TIAM1: variants seen among roughly 807,000 people sequenced by gnomAD.
The protein encoded by TIAM1 is TIAM Rac1 associated GEF 1, also known as rho guanine nucleotide exchange factor TIAM1.
In TIAM1, 65 loss-of-function variants were observed where a neutral mutation model predicts 163.5. That is an observed-to-expected ratio of 0.40 (90% confidence interval 0.33 to 0.49). TIAM1 has a LOEUF of 0.49. Among genes scored for constraint, TIAM1 ranks in the 20% least tolerant of loss-of-function variants. The probability of loss-of-function intolerance (pLI) is 0.77; values close to 1 mark genes in which losing one functional copy is unlikely to be tolerated. For missense variants in TIAM1, 1,789 were observed against 2,044.7 expected (o/e 0.87, Z 2.41); for synonymous variants, 833 against 810.1 (o/e 1.03, Z -0.48).
In TIAM1 at chr21:31,251,746, C is replaced by A. The variant is rs774427389; in HGVS notation, c.1407G>T (p.Leu469=). The change falls in exon 5 of 28, where the codon CTG becomes CTT. Residue 469 remains leucine, a synonymous_variant. Coordinates refer to ENST00000541036, the MANE Select transcript of TIAM1 (RefSeq NM_001353694.2). Reference sequence around the variant, plus strand: ...CCGGGGCCCTCCCGCTCTCACCTTTCAGGGACACCCAGTAGTGCTTCCACT... The same window carrying A: ...CCGGGGCCCTCCCGCTCTCACCTTTAAGGGACACCCAGTAGTGCTTCCACT... ...RRKWKHYWVS[L]KGCTLFFYES... The A allele has an allele frequency of 5.0e-6, 8 of 1,584,220 alleles. No homozygotes were observed. Among genetic ancestry groups the A allele is most frequent in the Non-Finnish European group, 6.9e-6 (8 of 1,161,270 alleles).
At chr21:31,315,552 G>C (rs543950273) in intron 2 of TIAM1, among the ~76,000 whole-genome samples, 1 of 151,572 alleles carries the variant, frequency 6.6e-6, no homozygotes, top group East Asian at 1.9e-4. Flanking sequence ...GCGCATACCT[G>C]TAATCCCAAC....
intron 1 of TIAM1, among the ~76,000 whole-genome samples, chr21:31,486,622 C>T (rs763429289): frequency 6.6e-6 from 1 of 152,228 alleles, no homozygotes; most frequent in Non-Finnish European, 1.5e-5. Flanking sequence ...ACCCATGTCA[C>T]GGGCTTGGCA....
At chr21:31,223,660 T>G in intron 7 of TIAM1, 69 bp from the exon 8 acceptor site, 2 of 1,436,146 alleles carry the variant, frequency 1.4e-6, no homozygotes, top group Non-Finnish European at 9.4e-7. Context: ...ATCTTTATCC[T>G]ATACAGATCT....
At chr21:31,224,527 A>G (rs1418145587) in intron 7 of TIAM1, among the ~76,000 whole-genome samples, 2 of 152,256 alleles carry the variant, frequency 1.3e-5, no homozygotes, top group Non-Finnish European at 2.9e-5. Context: ...AATATCTAGA[A>G]TAGGCAAATC....
At chr21:31,273,774 C>T (rs955797071) in intron 3 of TIAM1, among the ~76,000 whole-genome samples, 11 of 152,158 alleles carry the variant, frequency 7.2e-5, no homozygotes, top group Non-Finnish European at 1.2e-4. Flanking sequence ...CCCAAGGTTG[C>T]CCAGATGTTG....
intron 16 of TIAM1, among the ~76,000 whole-genome samples, chr21:31,156,713 C>T (rs1366290703): frequency 6.6e-6 from 1 of 152,122 alleles, no homozygotes; most frequent in Non-Finnish European, 1.5e-5. Flanking sequence ...ATAACACAGT[C>T]ATAATGAGAA....
chr21:31,228,919 G>T (rs899330340), intron 6 of TIAM1, among the ~76,000 whole-genome samples: 2 of 152,212 alleles, frequency 1.3e-5, no homozygotes, highest in South Asian at 4.1e-4. Context: ...AAGCAGGGGG[G>T]AAAGCCCCTT....
At chr21:31,221,049 AG>A (rs2087527939) in intron 8 of TIAM1, among the ~76,000 whole-genome samples, 1 of 152,184 alleles carries the variant, frequency 6.6e-6, no homozygotes, top group Admixed American at 6.5e-5. Flanking sequence ...ACTAAAAAGA[AG>A]AAAAAAAATT....
intron 4 of TIAM1, among the ~76,000 whole-genome samples, chr21:31,262,591 T>C (rs1601746804): frequency 6.6e-6 from 1 of 152,232 alleles, no homozygotes; most frequent in Non-Finnish European, 1.5e-5. Flanking sequence ...GTAGCACATA[T>C]GTGCCACCAT....
At chr21:31,281,763 G>C (rs1430239752) in intron 2 of TIAM1, among the ~76,000 whole-genome samples, 1 of 152,072 alleles carries the variant, frequency 6.6e-6, no homozygotes, top group Non-Finnish European at 1.5e-5. Flanking sequence ...TAGATGGATG[G>C]ATGGGTGGTG....
At chr21:31,344,273 C>T (rs2076102670), upstream of TIAM1, 1 of 152,304 alleles carries the variant, frequency 6.6e-6, no homozygotes, top group African/African-American at 2.4e-5. Context: ...AAGTTTCGTG[C>T]TATGATGAAT....
At chr21:31,519,898 G>T (rs2047521258) in intron 1 of TIAM1, among the ~76,000 whole-genome samples, 1 of 151,948 alleles carries the variant, frequency 6.6e-6, no homozygotes, top group Non-Finnish European at 1.5e-5. Flanking sequence ...TGGAGGGAGG[G>T]TGGAAATGGG....
intron 2 of TIAM1, among the ~76,000 whole-genome samples, chr21:31,304,475 A>G (rs2074619415): frequency 6.6e-6 from 1 of 152,184 alleles, no homozygotes; most frequent in Non-Finnish European, 1.5e-5. Flanking sequence ...TCCATCTTAC[A>G]GCCTCAAAAT....
At chr21:31,233,520 C>G (rs2088557009) in intron 6 of TIAM1, among the ~76,000 whole-genome samples, 1 of 152,158 alleles carries the variant, frequency 6.6e-6, no homozygotes, top group Non-Finnish European at 1.5e-5. Context: ...TCCTGACCAA[C>G]ATGGTGAAAG....
intron 2 of TIAM1, among the ~76,000 whole-genome samples, chr21:31,389,018 T>C (rs2076925833): frequency 6.6e-6 from 1 of 152,118 alleles, no homozygotes; most frequent in Non-Finnish European, 1.5e-5. Flanking sequence ...GGCCATAAGG[T>C]CTGTGTCACA....
intron 2 of TIAM1, among the ~76,000 whole-genome samples, chr21:31,368,788 C>T (rs2076542142): frequency 6.6e-6 from 1 of 152,160 alleles, no homozygotes; most frequent in African/African-American, 2.4e-5. Flanking sequence ...TGGTAAAATA[C>T]AAGCGTCTAG....
intron 25 of TIAM1, among the ~76,000 whole-genome samples, chr21:31,129,969 A>T (rs1314985613): frequency 6.6e-6 from 1 of 152,130 alleles, no homozygotes; most frequent in East Asian, 1.9e-4. Context: ...TTTTGAAGAC[A>T]TTACACATCC....
chr21:31,474,671 G>T (rs2284525), intron 1 of TIAM1, among the ~76,000 whole-genome samples: 4 of 150,848 alleles, frequency 2.7e-5, no homozygotes, highest in African/African-American at 9.8e-5. Flanking sequence ...TCAGCCTCCC[G>T]AGTAGCTGGG....
intron 2 of TIAM1, among the ~76,000 whole-genome samples, chr21:31,338,183 G>C (rs2075906288): frequency 6.6e-6 from 1 of 152,224 alleles, no homozygotes; most frequent in Non-Finnish European, 1.5e-5. Context: ...AGGCAGAGCG[G>C]AGCAGCAGGT....
Sources: gnomAD v4.1 joint callset for allele counts (sites outside exome capture counted in the v4.1 genomes callset) on GRCh38, gnomAD v4.1.1 for gene constraint, MANE v1.5 for transcripts, NCBI Gene and HGNC (gene_info 2026-07-23, HGNC 2026-07-21) for gene names.